SGCZ: variants seen among roughly 807,000 people sequenced by gnomAD.
The protein encoded by SGCZ is zeta-sarcoglycan.
A neutral mutation model predicts 41.3 loss-of-function variants in SGCZ; 40 were observed. The observed-to-expected ratio is 0.97, with a 90% CI of 0.75 to 1.26. The LOEUF (loss-of-function observed/expected upper bound fraction) is 1.26, where lower values mean the gene tolerates loss of function less well. Ranked by LOEUF, SGCZ falls within the 50% of genes most tolerant of loss-of-function variation. SGCZ has a pLI of 0.00. For synonymous variants in SGCZ, 206 were observed against 137.5 expected, an observed-to-expected ratio of 1.50 and a Z score of -3.49; for missense variants, 552 against 369.8, an observed-to-expected ratio of 1.49 and a Z score of -4.04.
intron 3 of SGCZ, among the ~76,000 whole-genome samples, chr8:14,300,538 A>G (rs1801152160): frequency 6.6e-6 from 1 of 151,986 alleles, no homozygotes; most frequent in South Asian, 2.1e-4. Flanking sequence ...TTTGTTGCCT[A>G]AAAATTTTTT....
chr8:14,369,884 T>A (rs1252518025), intron 2 of SGCZ, among the ~76,000 whole-genome samples: 1 of 151,976 alleles, frequency 6.6e-6, no homozygotes, highest in African/African-American at 2.4e-5. Context: ...GAGAGAAAAA[T>A]CAAATCACAA....
chr8:15,000,935 T>C (rs185221158), intron 1 of SGCZ, among the ~76,000 whole-genome samples: 6 of 152,294 alleles, frequency 3.9e-5, no homozygotes, highest in African/African-American at 1.4e-4. Flanking sequence ...AATTCTTTCT[T>C]TGTGCAAGAC....
intron 1 of SGCZ, among the ~76,000 whole-genome samples, chr8:14,858,657 T>A (rs1397568584): frequency 2.6e-5 from 4 of 152,188 alleles, no homozygotes; most frequent in African/African-American, 7.2e-5. Context: ...CGTGGTTGCA[T>A]TAAAACCACT....
At chr8:15,045,304 G>A (rs1299491820) in intron 1 of SGCZ, among the ~76,000 whole-genome samples, 1 of 152,028 alleles carries the variant, frequency 6.6e-6, no homozygotes, top group African/African-American at 2.4e-5. Flanking sequence ...ACTTAGCTGG[G>A]CCTTAAATGA....
At chr8:15,185,401 T>C (rs1800302546) in intron 1 of SGCZ, among the ~76,000 whole-genome samples, 1 of 152,200 alleles carries the variant, frequency 6.6e-6, no homozygotes, top group South Asian at 2.1e-4. Flanking sequence ...ATCAGAAAAA[T>C]ATACCGTGTT....
At chr8:15,147,433 C>T (rs1445669853) in intron 1 of SGCZ, among the ~76,000 whole-genome samples, 1 of 152,164 alleles carries the variant, frequency 6.6e-6, no homozygotes, top group Admixed American at 6.5e-5. Context: ...CATGCACCAC[C>T]ATGCCCGGCT....
intron 1 of SGCZ, among the ~76,000 whole-genome samples, chr8:14,836,064 CT>C (rs1802691005): frequency 1.3e-5 from 2 of 152,198 alleles, no homozygotes; most frequent in Non-Finnish European, 2.9e-5. Context: ...GGCCCTCTAC[CT>C]TGATTAACGT....
chr8:14,437,162 T>C (rs1800116936), intron 2 of SGCZ, among the ~76,000 whole-genome samples: 1 of 152,204 alleles, frequency 6.6e-6, no homozygotes, highest in Non-Finnish European at 1.5e-5. Flanking sequence ...TTACAAAATT[T>C]TTAAAATTTC....
At chr8:14,246,794 C>T (rs972305203) in intron 3 of SGCZ, among the ~76,000 whole-genome samples, 11 of 150,214 alleles carry the variant, frequency 7.3e-5, no homozygotes, top group African/African-American at 2.7e-4. Context: ...CCTGTAGTCC[C>T]AGCTACTCGG....
At chr8:14,597,465 C>CT (rs1372239176) in intron 1 of SGCZ, among the ~76,000 whole-genome samples, 1 of 152,046 alleles carries the variant, frequency 6.6e-6, no homozygotes, top group East Asian at 1.9e-4. Flanking sequence ...ATATTCATTC[C>CT]TTTTTTTGTT....
At chr8:14,616,141 G>T (rs1039677949) in intron 1 of SGCZ, among the ~76,000 whole-genome samples, 2 of 152,098 alleles carry the variant, frequency 1.3e-5, no homozygotes, top group Non-Finnish European at 2.9e-5. Flanking sequence ...AATTTAGCCG[G>T]GCGTGGGAGC....
At chr8:14,186,331 G>A (rs1391667027) in intron 4 of SGCZ, among the ~76,000 whole-genome samples, 1 of 152,202 alleles carries the variant, frequency 6.6e-6, no homozygotes, top group African/African-American at 2.4e-5. Flanking sequence ...TTTTAGCCAT[G>A]AATCTCTCTA....
intron 3 of SGCZ, among the ~76,000 whole-genome samples, chr8:14,300,854 T>C (rs1173365844): frequency 6.6e-6 from 1 of 152,046 alleles, no homozygotes; most frequent in Non-Finnish European, 1.5e-5. Context: ...GTGAGTTCCT[T>C]ATATATTCTG....
Position 14,442,240 on chromosome 8 carries a change from T to C in SGCZ, c.234+112492A>G, listed in dbSNP as rs551750104. On this transcript the variant is annotated intron_variant, in intron 2 of 7. Transcript: ENST00000382080. ...TACCTGGTGGCAGGTAATTGAATCA[T>C]GAGATCCGGTCTTGCCCGTGATATT... Among the ~76,000 whole-genome samples the C allele has an allele frequency of 5.3e-5, 8 of 152,290 alleles. No homozygotes were observed. In the South Asian group the frequency reaches 1.2e-3, roughly 24 times the overall value.
chr8:14,833,427 G>T (rs1250663748), intron 1 of SGCZ, among the ~76,000 whole-genome samples: 1 of 152,268 alleles, frequency 6.6e-6, no homozygotes, highest in Non-Finnish European at 1.5e-5. Context: ...GTGTCTTTTT[G>T]TGAGGTATTT....
At chr8:14,444,665 G>A (rs1800379543) in intron 2 of SGCZ, among the ~76,000 whole-genome samples, 1 of 138,428 alleles carries the variant, frequency 7.2e-6, no homozygotes. Context: ...ACTGTTGTGG[G>A]GTGGGGGGAT....
At chr8:14,161,236 C>T (rs1804036383) in intron 5 of SGCZ, 1 of 152,142 alleles carries the variant, frequency 6.6e-6, no homozygotes, top group African/African-American at 2.4e-5. Flanking sequence ...CATTTTTTTC[C>T]TCTAAGCACA....
At chr8:14,639,988 T>A (rs767368792) in intron 1 of SGCZ, among the ~76,000 whole-genome samples, 38 of 151,820 alleles carry the variant, frequency 2.5e-4, no homozygotes, top group Middle Eastern at 3.4e-3. Context: ...CGAGATATAC[T>A]TGTCATCAAT....
At chr8:14,165,952 A>AACTT (rs765640426) in intron 4 of SGCZ, among the ~76,000 whole-genome samples, 17 of 152,134 alleles carry the variant, frequency 1.1e-4, no homozygotes, top group East Asian at 1.9e-4. Context: ...AGGCTGCAAA[A>AACTT]ACTTACTCCT....
Sources: gnomAD v4.1 joint callset for allele counts (sites outside exome capture counted in the v4.1 genomes callset) on GRCh38, gnomAD v4.1.1 for gene constraint, MANE v1.5 for transcripts, NCBI Gene and HGNC (gene_info 2026-07-23, HGNC 2026-07-21) for gene names.